ZSCAN32: variants seen among roughly 807,000 people sequenced by gnomAD.
ZSCAN32 encodes zinc finger and SCAN domain-containing protein 32.
In ZSCAN32, 52 loss-of-function variants were observed where a neutral mutation model predicts 47.4. The ratio of observed to expected loss-of-function variants is 1.10; its 90% CI spans 0.88 to 1.38. The LOEUF is 1.38. Ranked by LOEUF, ZSCAN32 falls within the 40% of genes most tolerant of loss-of-function variation. The pLI is 0.00. For synonymous variants in ZSCAN32, 346 were observed against 305.7 expected (o/e 1.13, Z -1.38); for missense variants, 959 against 846.0 (o/e 1.13, Z -1.66).
At chr16:3,391,621 G>C (rs1328742651) in intron 3 of ZSCAN32, among the ~76,000 whole-genome samples, 1 of 150,254 alleles carries the variant, frequency 6.7e-6, no homozygotes, top group East Asian at 2.0e-4. Context: ...AGAGGTTGCA[G>C]TGAGCCAACA....
chr16:3,400,099 A>T (rs1438402636), intron 1 of ZSCAN32, among the ~76,000 whole-genome samples: 1 of 152,194 alleles, frequency 6.6e-6, no homozygotes, highest in African/African-American at 2.4e-5. Context: ...TATGATGGTA[A>T]ATGTTTTTTA....
chr16:3,389,270 G>A (rs1439103529), intron 5 of ZSCAN32, among the ~76,000 whole-genome samples: 1 of 152,124 alleles, frequency 6.6e-6, no homozygotes, highest in African/African-American at 2.4e-5. Context: ...CACTGGGGAG[G>A]GCAACATTGT....
chr16:3,399,945 A>G (rs2033731628), intron 1 of ZSCAN32, among the ~76,000 whole-genome samples: 1 of 152,140 alleles, frequency 6.6e-6, no homozygotes, highest in Non-Finnish European at 1.5e-5. Flanking sequence ...GTTTTTATCT[A>G]CTTAAAACAC....
chr16:3,395,389 C>T lies in ZSCAN32; in HGVS notation c.367-1575G>A, dbSNP rs543057833. Among the ~76,000 whole-genome samples, 7 of 152,258 alleles carry T rather than the reference C, an allele frequency of 4.6e-5. No homozygotes were observed. In the South Asian group the frequency reaches 1.0e-3, roughly 23 times the overall value. ...CGTGTCATGGGAAGGACCCGGTGGA[C>T]GTAATTGAATCATGGGGGCAGTTTC... On this transcript the variant is annotated intron_variant, in intron 2 of 6. Coordinates refer to ENST00000396852, the MANE Select transcript of ZSCAN32 (RefSeq NM_001284527.2).
chr16:3,395,457 C>A (rs2033279771), intron 2 of ZSCAN32, among the ~76,000 whole-genome samples: 1 of 152,154 alleles, frequency 6.6e-6, no homozygotes, highest in Non-Finnish European at 1.5e-5. Flanking sequence ...TGGCTTCCCC[C>A]TTCACTCAGT....
chr16:3,383,981 C>T (rs1596442679), intron 6 of ZSCAN32: 1 of 477,190 alleles, frequency 2.1e-6, no homozygotes, highest in Non-Finnish European at 3.7e-6. Context: ...AGACATTAAG[C>T]ACTATATCAT....
At chr16:3,394,198 G>A (rs752943489) in intron 2 of ZSCAN32, among the ~76,000 whole-genome samples, 7 of 152,028 alleles carry the variant, frequency 4.6e-5, no homozygotes, top group African/African-American at 9.7e-5. Context: ...CCCAGGAGGC[G>A]GAGGTTGCAG....
Position 3,383,296 on chromosome 16 carries a change from C to T in ZSCAN32, c.1650G>A (p.Lys550=), listed in dbSNP as rs747236006. Residue 550 remains lysine (K), a synonymous_variant, in exon 7 of 7, where the codon AAG becomes AAA. Transcript: ENST00000396852. ...QRIHTGEKPH[K]CSECGKGFSE... is the part of the protein sequence containing the mutation. ...TAAAGCCCTTCCCGCACTCACTGCA[C>T]TTGTGAGGCTTCTCGCCTGTGTGGA... 1 of 1,614,220 alleles carries T rather than the reference C, an allele frequency of 6.2e-7. No individual in the cohort carries two copies. The highest frequency in any genetic ancestry group is 8.5e-7 in the Non-Finnish European group (1 of 1,180,042).
At chr16:3,394,973 A>G (rs951965017) in intron 2 of ZSCAN32, among the ~76,000 whole-genome samples, 5 of 152,022 alleles carry the variant, frequency 3.3e-5, no homozygotes, top group African/African-American at 9.7e-5. Context: ...CACTCTGCTC[A>G]TTTCCTTCCA....
In ZSCAN32 at chr16:3,382,364, G is replaced by A. The variant is rs1389353439; in HGVS notation, c.*488C>T. On this transcript the variant is annotated 3_prime_UTR_variant, in exon 7 of 7. Coordinates refer to ENST00000396852, the MANE Select transcript of ZSCAN32 (RefSeq NM_001284527.2). ...TTCTTTCTGTTTGCTTTTTGGTGGTGGCTGGGTTACAAAGAGCAGTGTCTT... is the reference window on the plus strand; with the variant it reads ...TTCTTTCTGTTTGCTTTTTGGTGGTAGCTGGGTTACAAAGAGCAGTGTCTT... 1.3e-5 allele frequency: 2 copies of A among 152,640 alleles called. No homozygotes were observed. The highest frequency in any genetic ancestry group is 4.8e-5 in the African/African-American group (2 of 41,432). The allele number at this position is 152,640 out of a possible 1,614,324, so 9.5% of individuals were successfully genotyped here.
chr16:3,387,230 G>T (rs907599094), intron 5 of ZSCAN32, among the ~76,000 whole-genome samples: 3 of 152,150 alleles, frequency 2.0e-5, no homozygotes, highest in Non-Finnish European at 2.9e-5. Context: ...TCCTGAGGGT[G>T]GCCACATAAG....
rs112261112 is a variant in ZSCAN32 at position 3,385,095 on chromosome 16, C to T, written c.752-154G>A. Among the ~76,000 whole-genome samples the T allele has an allele frequency of 9.3e-3, 1,410 of 152,236 alleles. 26 individuals are homozygous for T. Among genetic ancestry groups the T allele is most frequent in the African/African-American group, 0.032 (1,312 of 41,544 alleles). On this transcript the variant is annotated intron_variant, in intron 5 of 6. Transcript: ENST00000396852. The stretch of plus-strand genomic sequence containing the variant: ...ATCCCAGCACTTTGGGAGGCCAAGG[C>T]GGGCAGATCATGAGGTCAAGAGATC...
At chr16:3,392,327 T>C (rs561867164) in intron 3 of ZSCAN32, among the ~76,000 whole-genome samples, 23 of 151,970 alleles carry the variant, frequency 1.5e-4, no homozygotes, top group African/African-American at 4.6e-4. Flanking sequence ...GAATTGTTCA[T>C]TGAAATGGTT....
At chr16:3,390,188 G>A (rs2032513365) in intron 4 of ZSCAN32, 55 bp from the exon 5 acceptor site, 1 of 1,523,380 alleles carries the variant, frequency 6.6e-7, no homozygotes, top group Non-Finnish European at 8.8e-7. Context: ...TCTAGCCTGG[G>A]GTGGGGGCAG....
chr16:3,390,924 A>G (rs1330119007), intron 3 of ZSCAN32, among the ~76,000 whole-genome samples: 2 of 152,226 alleles, frequency 1.3e-5, no homozygotes, highest in Non-Finnish European at 1.5e-5. Flanking sequence ...CCTGCCACCC[A>G]AAGATAACCA....
At chr16:3,388,854 G>A (rs1250784453) in intron 5 of ZSCAN32, among the ~76,000 whole-genome samples, 2 of 152,182 alleles carry the variant, frequency 1.3e-5, no homozygotes, top group East Asian at 1.9e-4. Context: ...GGGGAAGGAC[G>A]GGGAGAAACT....
chr16:3,384,930 G>A lies in ZSCAN32; in HGVS notation c.763C>T (p.Pro255Ser). 3 of 1,611,846 alleles carry A rather than the reference G, an allele frequency of 1.9e-6. No homozygotes were observed. Among genetic ancestry groups the A allele is most frequent in the Non-Finnish European group, 2.5e-6 (3 of 1,179,302 alleles). ...GTCTTGGTCTCTTCATAGCCCCAGG[G>A]CACACCTGTTGCTGGGGGACAAAGA... ...DSHVSLATGVPWGYEETKTLL... is the reference protein window; with the variant it reads ...DSHVSLATGVSWGYEETKTLL... Residue 255 changes from proline to serine, a missense_variant, in exon 6 of 7, where the codon CCC becomes TCC. Pro to Ser is a moderately conservative substitution (Grantham distance 74). Transcript: ENST00000396852.
In ZSCAN32 at chr16:3,392,762, C is replaced by T. The variant is rs1043140298; in HGVS notation, c.532+887G>A. Among the ~76,000 whole-genome samples, 17 of 151,972 alleles carry T rather than the reference C, an allele frequency of 1.1e-4. 2 individuals carry two copies. Among genetic ancestry groups the T allele is most frequent in the Admixed American group, 9.2e-4 (14 of 15,258 alleles). ...AATGGCGTGAACCTGGGAGGCAGAG[C>T]TTGCAGTAAGCCAAGATCGCATTAC... On this transcript the variant is annotated intron_variant, in intron 3 of 6. Transcript: ENST00000396852.
intron 2 of ZSCAN32, 89 bp downstream of exon 2, chr16:3,397,103 T>G (rs545021577): frequency 2.8e-6 from 4 of 1,440,036 alleles, no homozygotes; most frequent in East Asian, 2.5e-5. Flanking sequence ...AGGGCTACTG[T>G]GTGTTTCTCA....
Sources: allele counts gnomAD v4.1 joint callset (sites outside exome capture counted in the v4.1 genomes callset), GRCh38; gene constraint gnomAD v4.1.1; transcripts MANE v1.5; gene names NCBI Gene and HGNC (gene_info 2026-07-23, HGNC 2026-07-21).